LATS2: variants seen among roughly 807,000 people sequenced by gnomAD.
LATS2 encodes the protein large tumor suppressor kinase 2.
In LATS2, 24 loss-of-function variants were observed where a neutral mutation model predicts 76.0. The observed-to-expected ratio is 0.32, with a 90% CI of 0.23 to 0.44. The LOEUF (loss-of-function observed/expected upper bound fraction) is 0.44. LATS2 is among the 20% of genes least tolerant of loss of function. The pLI is 1.00. For synonymous variants in LATS2, 692 were observed against 635.4 expected, an observed-to-expected ratio of 1.09 and a Z score of -1.34; for missense variants, 1,286 against 1,481.2, an observed-to-expected ratio of 0.87 and a Z score of 2.16.
intron 2 of LATS2, among the ~76,000 whole-genome samples, chr13:21,014,333 C>CA (rs1328254684): frequency 1.3e-5 from 2 of 152,198 alleles, no homozygotes; most frequent in East Asian, 3.9e-4. Context: ...GGCTAAACCA[C>CA]ATCTCAATAC....
At chr13:21,021,740 G>A (rs922022857) in intron 2 of LATS2, among the ~76,000 whole-genome samples, 4 of 152,138 alleles carry the variant, frequency 2.6e-5, no homozygotes, top group African/African-American at 4.8e-5. Flanking sequence ...AGAGAACAGC[G>A]AGGCTAAGAG....
intron 2 of LATS2, among the ~76,000 whole-genome samples, chr13:21,008,049 G>A (rs776956274): frequency 4.0e-5 from 6 of 151,746 alleles, no homozygotes; most frequent in African/African-American, 7.3e-5. Flanking sequence ...GTGAGCCACC[G>A]TACCCAGCCC....
chr13:20,989,132 GA>G lies in LATS2; in HGVS notation c.647del (p.Phe216SerfsTer24). On this transcript the variant is annotated frameshift_variant, in exon 4 of 8. Coordinates refer to ENST00000382592, the MANE Select transcript of LATS2 (RefSeq NM_014572.3). LOFTEE classifies it high-confidence loss of function. ...EMPRPYVDYL[F>X]PGVGPHGPGH... Reference sequence around the variant, plus strand: ...CGGGCCCGTGGGGGCCGACTCCGGGGAAAAGGTAGTCCACGTACGGCCGCGG... The same window carrying G: ...CGGGCCCGTGGGGGCCGACTCCGGGGAAAGGTAGTCCACGTACGGCCGCGG... 1.2e-6 allele frequency: 2 copies of G among 1,610,216 alleles called. No individual in the cohort carries two copies.
chr13:21,013,443 A>G (rs1160527324), intron 2 of LATS2, among the ~76,000 whole-genome samples: 1 of 152,212 alleles, frequency 6.6e-6, no homozygotes, highest in Non-Finnish European at 1.5e-5. Context: ...GTCTGTGGAA[A>G]AAGTCCAATT....
intron 2 of LATS2, 75 bp downstream of exon 2, chr13:21,045,610 T>C (rs1873041217): frequency 1.7e-6 from 2 of 1,173,460 alleles, no homozygotes; most frequent in African/African-American, 3.1e-5. Context: ...CTTCAAGTAG[T>C]TGCCAAACCA....
At chr13:20,998,740 G>A (rs886585912) in intron 2 of LATS2, among the ~76,000 whole-genome samples, 1 of 141,448 alleles carries the variant, frequency 7.1e-6, no homozygotes, top group African/African-American at 2.6e-5. Context: ...CCTTGTCAAT[G>A]CGGGGCGAGG....
Position 20,986,507 on chromosome 13 carries a change from A to G in LATS2, c.1899+1374T>C, listed in dbSNP as rs556488457. On this transcript the variant is annotated intron_variant, in intron 4 of 7. Coordinates refer to ENST00000382592, the MANE Select transcript of LATS2 (RefSeq NM_014572.3). ...ACTGGAGGTCATTATGTTAAGTGAA[A>G]TAAGCCAGGAACAGAAGTTCGGTTA... Among the ~76,000 whole-genome samples the G allele has an allele frequency of 2.2e-4, 33 of 152,358 alleles. 1 individual carries two copies. The highest frequency in any genetic ancestry group is 6.8e-3 in the Middle Eastern group (2 of 294).
At chr13:21,049,371 G>T (rs1873183306) in intron 1 of LATS2, among the ~76,000 whole-genome samples, 1 of 152,186 alleles carries the variant, frequency 6.6e-6, no homozygotes, top group Non-Finnish European at 1.5e-5. Context: ...CAGCCCCGGG[G>T]AGCAAGGGGA....
chr13:21,037,127 G>A (rs1429106482), intron 2 of LATS2, among the ~76,000 whole-genome samples: 5 of 152,148 alleles, frequency 3.3e-5, no homozygotes, highest in South Asian at 2.1e-4. Context: ...TTTTAGGACC[G>A]GGTGTGGCGG....
At chr13:20,976,983 C>T (rs1299126384) in intron 7 of LATS2, among the ~76,000 whole-genome samples, 1 of 152,160 alleles carries the variant, frequency 6.6e-6, no homozygotes, top group African/African-American at 2.4e-5. Context: ...GGGACTCATA[C>T]AGTGGAATTA....
intron 2 of LATS2, among the ~76,000 whole-genome samples, chr13:21,040,376 C>CAAA (rs141897751): frequency 5.5e-5 from 6 of 108,752 alleles, no homozygotes; most frequent in African/African-American, 1.8e-4. Context: ...GACCTTGTCT[C>CAAA]AAAAAAAAAA....
At chr13:20,979,601 A>ATTC in intron 7 of LATS2, 90 bp downstream of exon 7, 3 of 629,338 alleles carry the variant, frequency 4.8e-6, no homozygotes, top group Non-Finnish European at 8.7e-6. Flanking sequence ...CCTACTCAGA[A>ATTC]TAAGAGGGCA....
At chr13:21,012,789 C>G (rs1444669194) in intron 2 of LATS2, among the ~76,000 whole-genome samples, 2 of 151,846 alleles carry the variant, frequency 1.3e-5, no homozygotes, top group Non-Finnish European at 2.9e-5. Context: ...AATCACACCC[C>G]CCCCCCACCT....
chr13:20,982,433 T>A (rs1436821167), intron 5 of LATS2, among the ~76,000 whole-genome samples: 1 of 152,200 alleles, frequency 6.6e-6, no homozygotes, highest in Non-Finnish European at 1.5e-5. Flanking sequence ...TGCCTCAGCC[T>A]CCCAGTAGCT....
intron 2 of LATS2, among the ~76,000 whole-genome samples, chr13:21,044,466 G>A (rs17061791): frequency 0.012 from 1,877 of 152,116 alleles, 32 homozygotes; most frequent in African/African-American, 0.043. Context: ...GCTTATTTCC[G>A]CTTCATGCAA....
chr13:20,980,764 C>T (rs1218234706), intron 6 of LATS2, among the ~76,000 whole-genome samples: 1 of 152,168 alleles, frequency 6.6e-6, no homozygotes, highest in Non-Finnish European at 1.5e-5. Context: ...CAAAGAAAAC[C>T]CAGACTTGAA....
At chr13:21,051,711 C>T (rs1032105804) in intron 1 of LATS2, among the ~76,000 whole-genome samples, 10 of 152,122 alleles carry the variant, frequency 6.6e-5, no homozygotes, top group Admixed American at 6.6e-5. Context: ...GTAATCCTGG[C>T]ACTTTGGGAG....
intron 6 of LATS2, 68 bp downstream of exon 6, chr13:20,981,398 A>T: frequency 7.0e-7 from 1 of 1,424,688 alleles, no homozygotes. Flanking sequence ...AGCTAGAGCC[A>T]GCGAGACTCA....
intron 2 of LATS2, among the ~76,000 whole-genome samples, chr13:20,995,728 A>G (rs1595221767): frequency 6.6e-6 from 1 of 152,024 alleles, no homozygotes; most frequent in East Asian, 1.9e-4. Flanking sequence ...TCAAATCAAC[A>G]TTATCAACAG....
Sources: gnomAD v4.1 joint callset for allele counts (sites outside exome capture counted in the v4.1 genomes callset) on GRCh38, gnomAD v4.1.1 for gene constraint, MANE v1.5 for transcripts, NCBI Gene and HGNC (gene_info 2026-07-23, HGNC 2026-07-21) for gene names.